The following TMEM217 variants were observed in gnomAD, a reference collection of about 807,000 sequenced individuals.
The protein encoded by TMEM217 is transmembrane protein 217, also known as chromosome 6 open reading frame 128.
For missense variants in TMEM217, 204 were observed against 248.8 expected (o/e 0.82, Z 1.21); for synonymous variants, 76 against 88.3 (o/e 0.86, Z 0.78).
At chr6:37,250,013 T>C (rs1254800985) in intron 1 of TMEM217, among the ~76,000 whole-genome samples, 1 of 152,180 alleles carries the variant, frequency 6.6e-6, no homozygotes, top group East Asian at 1.9e-4. Flanking sequence ...CAAATGTCCA[T>C]CAGTAGTAGC....
intron 1 of TMEM217, among the ~76,000 whole-genome samples, chr6:37,253,185 A>T (rs1252345966): frequency 6.6e-6 from 1 of 152,200 alleles, no homozygotes; most frequent in Admixed American, 6.5e-5. Flanking sequence ...TGCCCTCTTT[A>T]ATGGTATAAC....
intron 1 of TMEM217, among the ~76,000 whole-genome samples, chr6:37,256,388 C>T (rs1187060300): frequency 6.6e-6 from 1 of 152,190 alleles, no homozygotes; most frequent in Admixed American, 6.5e-5. Flanking sequence ...TCAGTACATC[C>T]CTCTTTGGGC....
At chr6:37,223,939 C>CTT (rs55894035) in intron 1 of TMEM217, among the ~76,000 whole-genome samples, 4 of 144,434 alleles carry the variant, frequency 2.8e-5, no homozygotes, top group Non-Finnish European at 6.1e-5. Context: ...CTGCCTCAGC[C>CTT]TTTTTTTTTT....
At chr6:37,253,841 C>T (rs1010342225) in intron 1 of TMEM217, among the ~76,000 whole-genome samples, 2 of 152,170 alleles carry the variant, frequency 1.3e-5, no homozygotes, top group African/African-American at 4.8e-5. Context: ...TTTTCTCTCC[C>T]TACTCAAGGA....
chr6:37,240,493 T>TGA (rs149590438), intron 1 of TMEM217, among the ~76,000 whole-genome samples: 66 of 149,838 alleles, frequency 4.4e-4, no homozygotes, highest in Admixed American at 1.8e-3. Context: ...GAGTAAGTGA[T>TGA]GAGAGAGAGA....
At chr6:37,241,276 C>T (rs1764752545) in intron 1 of TMEM217, among the ~76,000 whole-genome samples, 1 of 151,296 alleles carries the variant, frequency 6.6e-6, no homozygotes, top group African/African-American at 2.4e-5. Flanking sequence ...CGGGGTCTCA[C>T]TATGTTGCCC....
At chr6:37,212,430 G>A in exon 4 of TMEM217, 2 of 420,024 alleles carry the variant, frequency 4.8e-6, no homozygotes, top group Non-Finnish European at 9.6e-6. Context: ...TTAACTTCCG[G>A]TACAACATTC....
At chr6:37,220,433 G>A (rs1763439632) in intron 1 of TMEM217, among the ~76,000 whole-genome samples, 1 of 152,132 alleles carries the variant, frequency 6.6e-6, no homozygotes, top group Non-Finnish European at 1.5e-5. Context: ...TGAATCAGAA[G>A]TAAACCTCCC....
intron 1 of TMEM217, among the ~76,000 whole-genome samples, chr6:37,256,027 G>T (rs1226747296): frequency 6.6e-6 from 1 of 152,202 alleles, no homozygotes. Flanking sequence ...TTAAGAAAAA[G>T]GAGTATTTTG....
chr6:37,215,512 A>G (rs1209897289), downstream of TMEM217, among the ~76,000 whole-genome samples: 2 of 137,940 alleles, frequency 1.4e-5, no homozygotes, highest in Non-Finnish European at 3.1e-5. Flanking sequence ...TAGAGGTTGC[A>G]GTGAGCTGAT....
intron 1 of TMEM217, among the ~76,000 whole-genome samples, chr6:37,233,229 C>T (rs1044957033): frequency 6.6e-6 from 1 of 152,034 alleles, no homozygotes; most frequent in Admixed American, 6.6e-5. Context: ...CCCCATGTAC[C>T]TTCCTCTTGC....
chr6:37,242,851 A>G (rs1220717368), intron 1 of TMEM217, among the ~76,000 whole-genome samples: 1 of 152,192 alleles, frequency 6.6e-6, no homozygotes, highest in South Asian at 2.1e-4. Context: ...GACTCACACC[A>G]GTATCCCAGG....
intron 1 of TMEM217, among the ~76,000 whole-genome samples, chr6:37,234,102 C>CTT (rs70977637): frequency 2.3e-5 from 3 of 127,760 alleles, no homozygotes; most frequent in African/African-American, 5.8e-5. Flanking sequence ...TATTAAATGC[C>CTT]TTTTTTTTTT....
intron 1 of TMEM217, among the ~76,000 whole-genome samples, chr6:37,254,341 A>G (rs1765600659): frequency 6.6e-6 from 1 of 152,136 alleles, no homozygotes; most frequent in South Asian, 2.1e-4. Context: ...CCTCAAACCA[A>G]TGATTTACAC....
exon 4 of TMEM217, chr6:37,212,606 G>A (rs1238612160): frequency 4.1e-6 from 2 of 488,306 alleles, no homozygotes; most frequent in Non-Finnish European, 8.1e-6. Flanking sequence ...AAGATCCAGT[G>A]CAAATAACTC....
chr6:37,218,055 C>T, exon 2 of TMEM217: 1 of 1,001,342 alleles, frequency 1.0e-6, no homozygotes, highest in Non-Finnish European at 1.2e-6. Flanking sequence ...AACTGCTAAG[C>T]AAAAGTGGGG....
intron 1 of TMEM217, among the ~76,000 whole-genome samples, chr6:37,247,478 C>T (rs1466759540): frequency 6.6e-6 from 1 of 151,644 alleles, no homozygotes; most frequent in African/African-American, 2.4e-5. Flanking sequence ...ACCTCTGCCT[C>T]CCGGGTTAAA....
At chr6:37,243,886 G>C (rs937005348) in intron 1 of TMEM217, among the ~76,000 whole-genome samples, 1 of 152,170 alleles carries the variant, frequency 6.6e-6, no homozygotes, top group Non-Finnish European at 1.5e-5. Context: ...CTGGATGGGG[G>C]GGTGCACAGG....
chr6:37,251,432 T>C (rs1458984715), intron 1 of TMEM217, among the ~76,000 whole-genome samples: 1 of 152,162 alleles, frequency 6.6e-6, no homozygotes, highest in Non-Finnish European at 1.5e-5. Flanking sequence ...GAATGAGCAA[T>C]GCTCAAAATA....
Sources: gnomAD v4.1 joint callset for allele counts (sites outside exome capture counted in the v4.1 genomes callset) on GRCh38, gnomAD v4.1.1 for gene constraint, MANE v1.5 for transcripts, NCBI Gene and HGNC (gene_info 2026-07-23, HGNC 2026-07-21) for gene names.